The following FNDC3B variants were observed in gnomAD, a reference collection of about 807,000 sequenced individuals.
FNDC3B encodes the protein fibronectin type III domain-containing protein 3B.
FNDC3B carries 12 observed loss-of-function variants against 151.5 expected under a neutral mutation model. The ratio of observed to expected loss-of-function variants is 0.08; its 90% CI spans 0.05 to 0.13. The LOEUF is 0.13. FNDC3B is among the 10% of genes least tolerant of loss of function. FNDC3B has a pLI of 1.00. For synonymous variants in FNDC3B, 528 were observed against 549.0 expected, an observed-to-expected ratio of 0.96 and a Z score of 0.54; for missense variants, 1,214 against 1,505.3, an observed-to-expected ratio of 0.81 and a Z score of 3.20.
At chr3:172,200,918 C>T (rs753539150) in intron 3 of FNDC3B, among the ~76,000 whole-genome samples, 6 of 152,090 alleles carry the variant, frequency 3.9e-5, no homozygotes, top group Admixed American at 1.3e-4. Context: ...GTACCCAGCA[C>T]CCGAGTACCT....
chr3:172,207,704 T>C (rs1725504702), intron 3 of FNDC3B, among the ~76,000 whole-genome samples: 1 of 152,154 alleles, frequency 6.6e-6, no homozygotes, highest in African/African-American at 2.4e-5. Context: ...TCCCAGCACT[T>C]TGGGAGGCCT....
chr3:172,295,102 G>A (rs901603885), intron 7 of FNDC3B, among the ~76,000 whole-genome samples: 1 of 152,080 alleles, frequency 6.6e-6, no homozygotes, highest in Non-Finnish European at 1.5e-5. Flanking sequence ...AAATTCCCTC[G>A]CATGACATTA....
chr3:172,059,837 G>T (rs541071333), intron 1 of FNDC3B, among the ~76,000 whole-genome samples: 9 of 152,288 alleles, frequency 5.9e-5, no homozygotes, highest in African/African-American at 1.9e-4. Flanking sequence ...ATAGTCCAGT[G>T]AATTAAAACT....
intron 3 of FNDC3B, among the ~76,000 whole-genome samples, chr3:172,208,730 GAT>G (rs1553773226): frequency 0.89 from 135,458 of 151,932 alleles, 60,685 homozygotes; most frequent in African/African-American, 0.95. Context: ...ACTTGGCCTG[GAT>G]CAGGCAGCAC....
chr3:172,338,624 T>C (rs546127593), intron 16 of FNDC3B, among the ~76,000 whole-genome samples: 33 of 152,354 alleles, frequency 2.2e-4, no homozygotes, highest in African/African-American at 7.7e-4. Context: ...TTCTTTCTAA[T>C]AAAATTCATT....
intron 1 of FNDC3B, among the ~76,000 whole-genome samples, chr3:172,070,098 A>G (rs545749678): frequency 2.0e-5 from 3 of 152,302 alleles, no homozygotes; most frequent in South Asian, 2.1e-4. Context: ...CAGGGCATGT[A>G]TGATGTCTCA....
chr3:172,263,130 C>G (rs1728740149), intron 6 of FNDC3B, among the ~76,000 whole-genome samples: 1 of 150,328 alleles, frequency 6.7e-6, no homozygotes, highest in Non-Finnish European at 1.5e-5. Context: ...GTGAAATAAT[C>G]AACTCTTGCT....
intron 3 of FNDC3B, among the ~76,000 whole-genome samples, chr3:172,163,820 GA>G (rs1337691792): frequency 6.6e-6 from 1 of 152,150 alleles, no homozygotes; most frequent in Non-Finnish European, 1.5e-5. Context: ...AGTTACCAAG[GA>G]GTAGAATTAC....
chr3:172,079,186 C>T (rs1319456954), intron 1 of FNDC3B, among the ~76,000 whole-genome samples: 5 of 152,108 alleles, frequency 3.3e-5, no homozygotes, highest in Non-Finnish European at 1.5e-5. Context: ...ATGAATTCAT[C>T]ATTACTGTAA....
intron 2 of FNDC3B, among the ~76,000 whole-genome samples, chr3:172,131,020 A>T (rs761910567): frequency 2.6e-5 from 4 of 152,176 alleles, no homozygotes; most frequent in Non-Finnish European, 2.9e-5. Context: ...ATTTTCTTCC[A>T]TTGTAGTTTT....
intron 22 of FNDC3B, among the ~76,000 whole-genome samples, chr3:172,360,161 C>T (rs1175347678): frequency 6.6e-6 from 1 of 152,138 alleles, no homozygotes; most frequent in African/African-American, 2.4e-5. Context: ...ACTTTTTTAA[C>T]ATAATGGTAT....
chr3:172,373,297 A>G (rs1206952660), intron 23 of FNDC3B, among the ~76,000 whole-genome samples: 3 of 152,228 alleles, frequency 2.0e-5, no homozygotes, highest in Admixed American at 6.5e-5. Context: ...CTGAAGTATT[A>G]ATAGTAGTGA....
At chr3:172,294,559 T>C (rs1560062363) in intron 7 of FNDC3B, among the ~76,000 whole-genome samples, 2 of 152,254 alleles carry the variant, frequency 1.3e-5, no homozygotes, top group Middle Eastern at 3.4e-3. Context: ...CAGGCCCTCC[T>C]CCAAGATTGG....
chr3:172,125,779 C>G (rs1018614319), intron 2 of FNDC3B, among the ~76,000 whole-genome samples: 1 of 152,194 alleles, frequency 6.6e-6, no homozygotes, highest in African/African-American at 2.4e-5. Context: ...CTCGCTTCTA[C>G]TTTTCCTGTT....
At chr3:172,179,250 C>CA (rs1553769652) in intron 3 of FNDC3B, among the ~76,000 whole-genome samples, 4 of 151,694 alleles carry the variant, frequency 2.6e-5, no homozygotes, top group African/African-American at 9.7e-5. Flanking sequence ...TTAGTAGAGA[C>CA]GGGTTTTCAC....
chr3:172,201,584 C>T (rs1487558867), intron 3 of FNDC3B, among the ~76,000 whole-genome samples: 2 of 152,106 alleles, frequency 1.3e-5, no homozygotes, highest in African/African-American at 2.4e-5. Context: ...GTTGTCTAAG[C>T]AAAGCAATGG....
At chr3:172,107,326 T>G (rs1215139533) in intron 1 of FNDC3B, among the ~76,000 whole-genome samples, 1 of 152,142 alleles carries the variant, frequency 6.6e-6, no homozygotes, top group African/African-American at 2.4e-5. Context: ...GAAAGAAAAG[T>G]TCATAGAATT....
chr3:172,045,824 T>A (rs1716342947), intron 1 of FNDC3B, among the ~76,000 whole-genome samples: 1 of 151,920 alleles, frequency 6.6e-6, no homozygotes, highest in African/African-American at 2.4e-5. Flanking sequence ...TGCCTTAAAA[T>A]ATATATTATG....
At chr3:172,387,585 G>A (rs1220698220) in intron 25 of FNDC3B, among the ~76,000 whole-genome samples, 2 of 152,024 alleles carry the variant, frequency 1.3e-5, no homozygotes. Context: ...TGATTCTTAG[G>A]GCTTTTTTAG....
Sources: allele counts gnomAD v4.1 joint callset (sites outside exome capture counted in the v4.1 genomes callset), GRCh38; gene constraint gnomAD v4.1.1; transcripts MANE v1.5; gene names NCBI Gene and HGNC (gene_info 2026-07-23, HGNC 2026-07-21).